The following RASA1 variants were observed in gnomAD, a reference collection of about 807,000 sequenced individuals.
RASA1 encodes ras GTPase-activating protein 1.
In RASA1, 25 loss-of-function variants were observed where a neutral mutation model predicts 132.2. The ratio of observed to expected loss-of-function variants is 0.19; its 90% confidence interval spans 0.14 to 0.26. RASA1 has a LOEUF of 0.26. RASA1 is among the 10% of genes least tolerant of loss of function. The pLI is 1.00. For synonymous variants in RASA1, 477 were observed against 449.9 expected (o/e 1.06, Z -0.76); for missense variants, 964 against 1,299.2 (o/e 0.74, Z 3.97).
At chr5:87,332,814 A>G (rs1330835298) in intron 3 of RASA1, among the ~76,000 whole-genome samples, 172 bp downstream of exon 3, 1 of 152,118 alleles carries the variant, frequency 6.6e-6, no homozygotes, top group Non-Finnish European at 1.5e-5. Flanking sequence ...TGAAAAAAAA[A>G]GAAAATATTT....
intron 19 of RASA1, 73 bp from the exon 20 acceptor site, chr5:87,380,436 T>A: frequency 7.4e-7 from 1 of 1,348,538 alleles, no homozygotes; most frequent in Non-Finnish European, 1.1e-6. Context: ...TTGGGTAAAT[T>A]AAGCTTTTGG....
chr5:87,310,382 A>C (rs1310413593), intron 1 of RASA1, among the ~76,000 whole-genome samples: 3 of 152,194 alleles, frequency 2.0e-5, no homozygotes, highest in African/African-American at 7.2e-5. Flanking sequence ...TAAATCTGAA[A>C]TATGTCAATA....
intron 21 of RASA1, among the ~76,000 whole-genome samples, chr5:87,384,249 A>C (rs1455126851): frequency 6.6e-6 from 1 of 152,152 alleles, no homozygotes; most frequent in African/African-American, 2.4e-5. Context: ...TAAAGTCACC[A>C]GTTATATAGT....
At chr5:87,373,018 C>T (rs937861329) in intron 13 of RASA1, among the ~76,000 whole-genome samples, 1 of 152,092 alleles carries the variant, frequency 6.6e-6, no homozygotes, top group African/African-American at 2.4e-5. Context: ...AACATTGTAA[C>T]ATTTTGTAAG....
intron 20 of RASA1, among the ~76,000 whole-genome samples, chr5:87,382,688 G>A (rs1761802287): frequency 6.6e-6 from 1 of 152,130 alleles, no homozygotes; most frequent in Admixed American, 6.6e-5. Flanking sequence ...AAAATTAGCA[G>A]ATAAAATCAT....
intron 1 of RASA1, among the ~76,000 whole-genome samples, chr5:87,275,228 C>CT (rs1754012578): frequency 6.6e-6 from 1 of 152,156 alleles, no homozygotes; most frequent in South Asian, 2.1e-4. Context: ...TGATTATTAA[C>CT]TATAACAATG....
intron 21 of RASA1, among the ~76,000 whole-genome samples, chr5:87,384,703 A>G (rs1449804450): frequency 1.3e-5 from 2 of 152,154 alleles, no homozygotes; most frequent in African/African-American, 2.4e-5. Context: ...GCTTATATTT[A>G]ATAGACACCA....
At chr5:87,375,042 T>C in intron 15 of RASA1, 126 bp downstream of exon 15, 1 of 1,262,794 alleles carries the variant, frequency 7.9e-7, no homozygotes, top group South Asian at 1.5e-5. Flanking sequence ...TTGAGATAGT[T>C]TCTTTCTGTA....
intron 1 of RASA1, among the ~76,000 whole-genome samples, chr5:87,299,256 T>C (rs1320279948): frequency 1.3e-5 from 2 of 152,190 alleles, no homozygotes; most frequent in Admixed American, 6.5e-5. Flanking sequence ...TAATAGCAAG[T>C]AGTTAAGTTT....
intron 24 of RASA1, 60 bp downstream of exon 24, chr5:87,389,587 A>T: frequency 6.3e-7 from 1 of 1,585,372 alleles, no homozygotes; most frequent in Non-Finnish European, 8.7e-7. Flanking sequence ...TAGAGAGTTA[A>T]TAAATAGCTG....
intron 1 of RASA1, chr5:87,330,789 A>G (rs898277725): frequency 2.3e-6 from 1 of 442,934 alleles, no homozygotes. Flanking sequence ...ATGTATAGTC[A>G]TGGAGTAGAT....
At chr5:87,291,593 G>C (rs1183449399) in intron 1 of RASA1, among the ~76,000 whole-genome samples, 1 of 152,170 alleles carries the variant, frequency 6.6e-6, no homozygotes, top group Non-Finnish European at 1.5e-5. Flanking sequence ...GGGACCTGGT[G>C]AGAGGGGTTT....
intron 1 of RASA1, among the ~76,000 whole-genome samples, chr5:87,285,138 G>A (rs1754492208): frequency 6.6e-6 from 1 of 151,178 alleles, no homozygotes; most frequent in Non-Finnish European, 1.5e-5. Flanking sequence ...TGTGATCTCG[G>A]CTCACTGCAA....
Position 87,268,700 on chromosome 5 carries a change from A to T in RASA1, c.249A>T (p.Gly83=), listed in dbSNP as rs1015107894. ...GGTCTGTGGCAGGGGCACTGGGGGG[A>T]GCTGGACTGACAGGGGGAGGTACTG... ...GAGSVAGALG[G]AGLTGGGTAA... Residue 83 remains glycine, a synonymous_variant, in exon 1 of 25, where the codon GGA becomes GGT. Transcript: ENST00000274376. The T allele has an allele frequency of 2.5e-6, 4 of 1,608,168 alleles. No homozygotes were observed. The highest frequency in any genetic ancestry group is 3.4e-6 in the Non-Finnish European group (4 of 1,178,042).
At chr5:87,285,170 C>A (rs1256337036) in intron 1 of RASA1, among the ~76,000 whole-genome samples, 1 of 151,562 alleles carries the variant, frequency 6.6e-6, no homozygotes, top group Non-Finnish European at 1.5e-5. Flanking sequence ...CGGGTTCAAG[C>A]GATTCTTCTG....
At chr5:87,344,825 C>CT (rs1217075495) in intron 6 of RASA1, among the ~76,000 whole-genome samples, 1 of 150,530 alleles carries the variant, frequency 6.6e-6, no homozygotes, top group Admixed American at 6.7e-5. Flanking sequence ...AGCTATTTTT[C>CT]TTTATACCTT....
intron 11 of RASA1, among the ~76,000 whole-genome samples, chr5:87,365,506 C>T (rs1184986924): frequency 6.6e-6 from 1 of 151,810 alleles, no homozygotes; most frequent in Non-Finnish European, 1.5e-5. Context: ...TACCTTTTTT[C>T]GATTAACAGA....
chr5:87,286,569 A>G (rs1478178938), intron 1 of RASA1, among the ~76,000 whole-genome samples: 2 of 152,022 alleles, frequency 1.3e-5, no homozygotes, highest in African/African-American at 4.8e-5. Flanking sequence ...TTTTCATTTT[A>G]ATTCTGTTAT....
intron 1 of RASA1, among the ~76,000 whole-genome samples, chr5:87,319,406 C>T (rs1435874878): frequency 1.3e-5 from 2 of 152,252 alleles, no homozygotes; most frequent in South Asian, 4.1e-4. Flanking sequence ...CCTGCCTGGA[C>T]ATCCAGGCAT....
Sources: gnomAD v4.1 joint callset for allele counts (sites outside exome capture counted in the v4.1 genomes callset) on GRCh38, gnomAD v4.1.1 for gene constraint, MANE v1.5 for transcripts, NCBI Gene and HGNC (gene_info 2026-07-23, HGNC 2026-07-21) for gene names.